The following NUP160 variants were observed in gnomAD, a reference collection of about 807,000 sequenced individuals.
NUP160 encodes nucleoporin 160.
In NUP160, 94 loss-of-function variants were observed where a neutral mutation model predicts 196.9. That is an observed-to-expected ratio of 0.48 (90% CI 0.40 to 0.57). The LOEUF (loss-of-function observed/expected upper bound fraction) is 0.57. Among genes scored for constraint, NUP160 ranks in the 20% least tolerant of loss-of-function variants. The probability of loss-of-function intolerance (pLI) is 0.00; values close to 1 mark genes in which losing one functional copy is unlikely to be tolerated. For synonymous variants in NUP160, 605 were observed against 619.7 expected, an observed-to-expected ratio of 0.98 and a Z score of 0.35; for missense variants, 1,638 against 1,748.3, an observed-to-expected ratio of 0.94 and a Z score of 1.13.
intron 10 of NUP160, among the ~76,000 whole-genome samples, chr11:47,818,857 G>T (rs986416519): frequency 2.0e-5 from 3 of 152,120 alleles, no homozygotes; most frequent in Non-Finnish European, 4.4e-5. Flanking sequence ...AAACTCTTGG[G>T]ATTAAGAGTG....
rs1040234792 is a variant in NUP160 at position 47,818,052 on chromosome 11, T to C, written c.1431+4A>G. On this transcript the variant is annotated splice_donor_region_variant and intron_variant, in intron 11 of 35. Transcript: ENST00000378460. ...TAAACAAACAGTAAATTTTTTTTGC[T>C]GACCTGTAAAGCCTTACATAAAGCT... is the stretch of plus-strand genomic sequence containing the variant. 2.5e-6 allele frequency: 4 copies of C among 1,592,788 alleles called. No individual in the cohort carries two copies. Among genetic ancestry groups the C allele is most frequent in the African/African-American group, 1.3e-5 (1 of 74,322 alleles).
At chr11:47,826,178 C>T (rs1369001518) in intron 7 of NUP160, among the ~76,000 whole-genome samples, 3 of 152,122 alleles carry the variant, frequency 2.0e-5, no homozygotes, top group Non-Finnish European at 2.9e-5. Context: ...AAAAACCCAA[C>T]AGTCCAAGCT....
intron 19 of NUP160, among the ~76,000 whole-genome samples, chr11:47,806,850 C>CATATATATAT (rs1163911031): frequency 3.9e-4 from 44 of 113,698 alleles, no homozygotes; most frequent in African/African-American, 1.5e-3. Flanking sequence ...CACACACACA[C>CATATATATAT]ACATATATAT....
At chr11:47,840,243 G>T in intron 3 of NUP160, 135 bp downstream of exon 3, 1 of 862,456 alleles carries the variant, frequency 1.2e-6, no homozygotes. Context: ...TTAAGCGGTA[G>T]CTATCAAAGT....
chr11:47,839,855 A>G (rs1329425908), exon 4 of NUP160: 2 of 1,612,866 alleles, frequency 1.2e-6, no homozygotes, highest in Non-Finnish European at 1.7e-6. Context: ...GGTATGTCAT[A>G]AGGAGGTAGC....
At chr11:47,786,373 G>T in intron 32 of NUP160, 80 bp downstream of exon 32, 2 of 860,988 alleles carry the variant, frequency 2.3e-6, no homozygotes, top group Non-Finnish European at 3.9e-6. Flanking sequence ...AATGATCTAT[G>T]TAGGACAATT....
chr11:47,824,412 T>C (rs1851927354), intron 7 of NUP160, among the ~76,000 whole-genome samples: 1 of 151,822 alleles, frequency 6.6e-6, no homozygotes, highest in African/African-American at 2.4e-5. Flanking sequence ...GAGACCATCC[T>C]GACTAACACG....
intron 7 of NUP160, chr11:47,827,124 T>C: frequency 2.2e-6 from 1 of 456,052 alleles, no homozygotes; most frequent in South Asian, 1.5e-5. Context: ...CCCAGCACAT[T>C]GGGAAGCCGA....
chr11:47,826,568 C>T (rs1249023029), intron 7 of NUP160, among the ~76,000 whole-genome samples: 1 of 151,458 alleles, frequency 6.6e-6, no homozygotes, highest in Admixed American at 6.6e-5. Flanking sequence ...AATCCCCCCC[C>T]CCTTTTTTTT....
At position 47,797,783 on chromosome 11, in the gene NUP160, G is replaced by A. The variant is rs1767217372; in HGVS notation, c.3285C>T (p.Arg1095=). ...CTGTCTGGTTACATTGCTCACCCTT[G>A]CGGTAATTGTGGCGATAGATGTGAA... Residue 1095 remains arginine, a synonymous_variant, in exon 27 of 36, where the codon CGC becomes CGT. Coordinates refer to ENST00000378460, the Ensembl canonical transcript of NUP160. The A allele has an allele frequency of 1.9e-6, 3 of 1,607,214 alleles. No homozygotes were observed. The Admixed American group carries it at 5.0e-5, about 27-fold the overall frequency.
At chr11:47,793,972 T>G (rs952214221) in intron 27 of NUP160, among the ~76,000 whole-genome samples, 3 of 152,022 alleles carry the variant, frequency 2.0e-5, no homozygotes, top group Non-Finnish European at 4.4e-5. Flanking sequence ...TTGAAGACAT[T>G]ATGCTAGGTG....
intron 4 of NUP160, among the ~76,000 whole-genome samples, chr11:47,838,637 G>C (rs1254622824): frequency 6.6e-6 from 1 of 151,904 alleles, no homozygotes; most frequent in Non-Finnish European, 1.5e-5. Context: ...GAACCTGGGG[G>C]GGGCGGAGGT....
At chr11:47,801,964 G>T in intron 22 of NUP160, 34 bp from the exon 23 acceptor site, 1 of 1,607,658 alleles carries the variant, frequency 6.2e-7, no homozygotes, top group Non-Finnish European at 8.5e-7. Flanking sequence ...ACTTGTAACA[G>T]ATCATTCAAA....
At chr11:47,842,357 G>C (rs1002423534) in intron 2 of NUP160, among the ~76,000 whole-genome samples, 2 of 152,126 alleles carry the variant, frequency 1.3e-5, no homozygotes, top group South Asian at 4.2e-4. Flanking sequence ...GGTAACTCAC[G>C]GCATCAGCAC....
chr11:47,789,682 A>C (rs1565188139), intron 29 of NUP160, among the ~76,000 whole-genome samples: 1 of 151,672 alleles, frequency 6.6e-6, no homozygotes, highest in East Asian at 1.9e-4. Context: ...TATATATAAT[A>C]TATAGTATAT....
intron 6 of NUP160, among the ~76,000 whole-genome samples, chr11:47,836,153 C>T (rs1307643814): frequency 2.0e-5 from 3 of 152,080 alleles, no homozygotes; most frequent in Non-Finnish European, 4.4e-5. Context: ...GAAGCTGAGG[C>T]AGGAGAATCA....
exon 36 of NUP160, chr11:47,778,631 A>G (rs1246606717): frequency 6.5e-6 from 1 of 152,994 alleles, no homozygotes; most frequent in Non-Finnish European, 1.5e-5. Flanking sequence ...ACACAAAATT[A>G]TTAGCTTTTG....
chr11:47,823,398 C>G (rs1034006757), intron 7 of NUP160, among the ~76,000 whole-genome samples: 1 of 152,132 alleles, frequency 6.6e-6, no homozygotes, highest in Non-Finnish European at 1.5e-5. Context: ...TACTTTGTCT[C>G]TATAAATTTG....
chr11:47,839,308 C>A (rs1852249201), intron 4 of NUP160, among the ~76,000 whole-genome samples: 1 of 152,120 alleles, frequency 6.6e-6, no homozygotes, highest in South Asian at 2.1e-4. Context: ...TCAGGTTGAT[C>A]TCCAACTCCC....
Sources: allele counts gnomAD v4.1 joint callset (sites outside exome capture counted in the v4.1 genomes callset), GRCh38; gene constraint gnomAD v4.1.1; transcripts MANE v1.5; gene names NCBI Gene and HGNC (gene_info 2026-07-23, HGNC 2026-07-21).